Variants in PLEKHG1 observed in about 807,000 individuals in gnomAD.
PLEKHG1 encodes pleckstrin homology domain-containing family G member 1.
A neutral mutation model predicts 100.8 loss-of-function variants in PLEKHG1; 44 were observed. The observed-to-expected ratio is 0.44, with a 90% confidence interval of 0.34 to 0.56. The LOEUF is 0.56. PLEKHG1 is among the 20% of genes least tolerant of loss of function. PLEKHG1 has a pLI of 0.01. For synonymous variants in PLEKHG1, 640 were observed against 662.5 expected, an observed-to-expected ratio of 0.97 and a Z score of 0.52; for missense variants, 1,545 against 1,720.9, an observed-to-expected ratio of 0.90 and a Z score of 1.81.
intron 1 of PLEKHG1, among the ~76,000 whole-genome samples, chr6:150,723,002 A>C (rs551961480): frequency 1.6e-4 from 25 of 152,292 alleles, no homozygotes; most frequent in African/African-American, 4.3e-4. Context: ...TCGGTGATAC[A>C]CAGTTTTTCA....
intron 3 of PLEKHG1, among the ~76,000 whole-genome samples, chr6:150,660,958 A>T (rs1446716323): frequency 6.6e-6 from 1 of 152,208 alleles, no homozygotes; most frequent in Non-Finnish European, 1.5e-5. Flanking sequence ...AATGTTGCTA[A>T]ATTGAACTGT....
intron 3 of PLEKHG1, among the ~76,000 whole-genome samples, chr6:150,670,482 C>G (rs1226412801): frequency 6.6e-6 from 1 of 152,234 alleles, no homozygotes; most frequent in Non-Finnish European, 1.5e-5. Context: ...CGCTACACAG[C>G]CGCAGCATGC....
At chr6:150,605,961 T>C (rs922363110) in intron 1 of PLEKHG1, 1 of 152,242 alleles carries the variant, frequency 6.6e-6, no homozygotes, top group African/African-American at 2.4e-5. Flanking sequence ...TACTCTTTGA[T>C]TGCATACAAC....
At chr6:150,747,952 A>T (rs1264639007) in intron 2 of PLEKHG1, among the ~76,000 whole-genome samples, 1 of 152,054 alleles carries the variant, frequency 6.6e-6, no homozygotes, top group Non-Finnish European at 1.5e-5. Context: ...CATCAAGTAC[A>T]TTCACATTGT....
At chr6:150,750,264 T>G (rs1783429994) in intron 2 of PLEKHG1, among the ~76,000 whole-genome samples, 1 of 152,092 alleles carries the variant, frequency 6.6e-6, no homozygotes, top group Admixed American at 6.5e-5. Context: ...GCCTAAGAAA[T>G]CTGGTTAGGA....
chr6:150,757,918 G>T (rs1310519991), intron 2 of PLEKHG1, among the ~76,000 whole-genome samples: 2 of 152,016 alleles, frequency 1.3e-5, no homozygotes, highest in Non-Finnish European at 2.9e-5. Flanking sequence ...GTGTTGTTCA[G>T]CTCCCACTTA....
chr6:150,771,290 G>C (rs1034122501), intron 3 of PLEKHG1, among the ~76,000 whole-genome samples: 2 of 151,960 alleles, frequency 1.3e-5, no homozygotes, highest in Non-Finnish European at 2.9e-5. Context: ...TGTGGCACAT[G>C]CCTGTAATCC....
At chr6:150,778,811 G>A (rs983136544) in intron 3 of PLEKHG1, among the ~76,000 whole-genome samples, 2 of 152,118 alleles carry the variant, frequency 1.3e-5, no homozygotes, top group Non-Finnish European at 2.9e-5. Flanking sequence ...TGAGAGAAAT[G>A]CCATTACTTT....
intron 3 of PLEKHG1, among the ~76,000 whole-genome samples, chr6:150,653,892 G>C (rs985489162): frequency 8.5e-5 from 13 of 152,336 alleles, no homozygotes; most frequent in Middle Eastern, 6.8e-3. Context: ...GATGGCCGTA[G>C]TTGTTCCTTC....
intron 2 of PLEKHG1, among the ~76,000 whole-genome samples, chr6:150,748,615 CTTTTTTTTTTTTTT>C (rs746682669): frequency 1.7e-5 from 2 of 118,196 alleles, no homozygotes; most frequent in Admixed American, 1.9e-4. Context: ...TACCTTTGAC[CTTTTTTTTTTTTTT>C]TTTTTTTGAG....
intron 3 of PLEKHG1, among the ~76,000 whole-genome samples, chr6:150,775,277 C>T (rs774837250): frequency 6.6e-6 from 1 of 152,128 alleles, no homozygotes; most frequent in Non-Finnish European, 1.5e-5. Context: ...TCTTGGAATA[C>T]AGAAACGTTA....
intron 4 of PLEKHG1, 89 bp downstream of exon 5, chr6:150,786,548 A>G: frequency 1.2e-6 from 1 of 843,656 alleles, no homozygotes; most frequent in Non-Finnish European, 2.0e-6. Context: ...GGTTTGTTTC[A>G]TATCAGATAG....
chr6:150,717,605 G>A (rs1781492908), upstream of PLEKHG1, among the ~76,000 whole-genome samples: 1 of 152,192 alleles, frequency 6.6e-6, no homozygotes, highest in African/African-American at 2.4e-5. Context: ...TGTGGGTGCT[G>A]CTCTTCTGCG....
At chr6:150,835,876 A>G (rs995839928) in intron 15 of PLEKHG1, among the ~76,000 whole-genome samples, 3 of 152,202 alleles carry the variant, frequency 2.0e-5, no homozygotes, top group African/African-American at 4.8e-5. Flanking sequence ...TCTATTGCCT[A>G]CTAGTGAGAT....
rs990719698 is a variant in PLEKHG1, at chr6:150,683,216, G to A, written c.-99+32430G>A. Among the ~76,000 whole-genome samples the A allele has an allele frequency of 6.6e-6, 1 of 152,214 alleles. No homozygotes were observed. The highest frequency in any genetic ancestry group is 1.5e-5 in the Non-Finnish European group (1 of 68,044). On this transcript the variant is annotated intron_variant, in intron 3 of 3. Transcript: ENST00000367326. This position sits in a 1 kb window ranked among gnomAD's most constrained non-coding sequence, Gnocchi z 4.0. Reference sequence around the variant, plus strand: ...AGTATTTATATTTATGAAATTTAGAGAATAGTTGTCAACTCGTCATGATAG... The same window carrying A: ...AGTATTTATATTTATGAAATTTAGAAAATAGTTGTCAACTCGTCATGATAG...
At chr6:150,622,554 C>T (rs368164416) in intron 1 of PLEKHG1, among the ~76,000 whole-genome samples, 9 of 152,220 alleles carry the variant, frequency 5.9e-5, no homozygotes, top group South Asian at 2.1e-4. Flanking sequence ...CCCCAGAGCC[C>T]ACCCTTCAGT....
At position 150,600,608 on chromosome 6, in the gene PLEKHG1, G is replaced by A. The variant is rs1397407899; in HGVS notation, c.-204+591G>A. Among the ~76,000 whole-genome samples the A allele has an allele frequency of 6.6e-6, 1 of 152,234 alleles. No individual in the cohort carries two copies. Among genetic ancestry groups the A allele is most frequent in the East Asian group, 1.9e-4 (1 of 5,182 alleles). ...GTTCTGCAGATGCGCTTTTCAGGGG[G>A]TGGGGAGTCAAGAGCCTGTGGCTCT... On this transcript the variant is annotated intron_variant, in intron 1 of 3. Coordinates refer to the PLEKHG1 transcript ENST00000367326. The surrounding 1 kb of genome is among the most constrained non-coding windows in gnomAD (Gnocchi z 6.2).
intron 4 of PLEKHG1, among the ~76,000 whole-genome samples, chr6:150,787,675 G>C (rs1474509590): frequency 1.3e-5 from 2 of 152,162 alleles, no homozygotes; most frequent in Non-Finnish European, 2.9e-5. Context: ...TGTTCCACAG[G>C]GTCATTTCTG....
In PLEKHG1 at chr6:150,828,359, G is replaced by A. The variant is rs892049135; in HGVS notation, c.1471-2223G>A. Reference sequence around the variant, plus strand: ...GTGCGGCGCTCTGTCCTCATGAAGAGGGACAGCGATTCCAAGGGTGACTGA... The same window carrying A: ...GTGCGGCGCTCTGTCCTCATGAAGAAGGACAGCGATTCCAAGGGTGACTGA... On this transcript the variant is annotated intron_variant, in intron 14 of 15. Transcript: ENST00000358517. 1.1e-5 allele frequency: 18 copies of A among 1,610,300 alleles called. No homozygotes were observed. The African/African-American group carries it at 1.6e-4, about 14-fold the overall frequency.
Sources: gnomAD v4.1 joint callset for allele counts (sites outside exome capture counted in the v4.1 genomes callset) on GRCh38, gnomAD v4.1.1 for gene constraint, Gnocchi (gnomAD v3.1) non-coding constraint, MANE v1.5 for transcripts, NCBI Gene and HGNC (gene_info 2026-07-23, HGNC 2026-07-21) for gene names.